The following RIMS1 variants were observed in gnomAD, a reference collection of about 807,000 sequenced individuals.
The protein encoded by RIMS1 is regulating synaptic membrane exocytosis protein 1.
In RIMS1, 83 loss-of-function variants were observed where a neutral mutation model predicts 214.1. The observed-to-expected ratio is 0.39, with a 90% CI of 0.32 to 0.47. The LOEUF (loss-of-function observed/expected upper bound fraction) is 0.47, where lower values mean the gene tolerates loss of function less well. Ranked by LOEUF, RIMS1 falls within the 20% of genes least tolerant of loss-of-function variation. RIMS1 has a pLI of 0.99. For synonymous variants in RIMS1, 793 were observed against 786.8 expected (o/e 1.01, Z -0.13); for missense variants, 2,050 against 2,161.8 (o/e 0.95, Z 1.03).
chr6:71,925,578 G>A (rs994261381), intron 1 of RIMS1, among the ~76,000 whole-genome samples: 9 of 152,132 alleles, frequency 5.9e-5, no homozygotes. Flanking sequence ...ATTTGATGTG[G>A]TATATAAAAT....
At chr6:72,389,609 A>G (rs759551951) in intron 29 of RIMS1, among the ~76,000 whole-genome samples, 6 of 152,192 alleles carry the variant, frequency 3.9e-5, no homozygotes, top group Non-Finnish European at 8.8e-5. Context: ...ATGTGTTTAT[A>G]TAGTAGTTAT....
intron 30 of RIMS1, among the ~76,000 whole-genome samples, chr6:72,391,348 TTTTC>T (rs1030065252): frequency 6.6e-5 from 10 of 150,486 alleles, no homozygotes; most frequent in Non-Finnish European, 1.3e-4. Flanking sequence ...TTTCGATTCT[TTTTC>T]TTTTTTTTTT....
chr6:72,084,644 C>T (rs987565175), intron 2 of RIMS1, among the ~76,000 whole-genome samples: 8 of 152,224 alleles, frequency 5.3e-5, no homozygotes, highest in African/African-American at 1.7e-4. Flanking sequence ...TGCTAGTGGG[C>T]CTCCATGTCC....
chr6:71,908,768 T>G (rs1776034903), intron 1 of RIMS1, among the ~76,000 whole-genome samples: 1 of 152,132 alleles, frequency 6.6e-6, no homozygotes, highest in Non-Finnish European at 1.5e-5. Flanking sequence ...TAAATGAACC[T>G]TTTCATCTTG....
At chr6:72,252,453 T>C (rs2154138866) in intron 15 of RIMS1, among the ~76,000 whole-genome samples, 1 of 152,290 alleles carries the variant, frequency 6.6e-6, no homozygotes, top group East Asian at 1.9e-4. Flanking sequence ...TAGAAAACAA[T>C]GTACTGTATA....
chr6:71,984,686 T>C (rs980687419), intron 2 of RIMS1, among the ~76,000 whole-genome samples: 1 of 152,150 alleles, frequency 6.6e-6, no homozygotes, highest in Non-Finnish European at 1.5e-5. Flanking sequence ...AAGCAGAACA[T>C]TGTAAGTTGA....
chr6:72,321,725 C>T (rs2096177136), intron 28 of RIMS1, among the ~76,000 whole-genome samples: 1 of 152,014 alleles, frequency 6.6e-6, no homozygotes, highest in African/African-American at 2.4e-5. Flanking sequence ...TAGAGACATA[C>T]TATTTATATA....
intron 19 of RIMS1, chr6:72,262,839 A>G (rs2078658151): frequency 2.8e-6 from 2 of 707,928 alleles, no homozygotes; most frequent in South Asian, 6.6e-5. Flanking sequence ...ACTTATAAAA[A>G]TAAAATCTGA....
intron 26 of RIMS1, chr6:72,295,953 C>A: frequency 3.7e-6 from 2 of 537,192 alleles, no homozygotes; most frequent in Non-Finnish European, 4.9e-6. Context: ...AAAAATATAA[C>A]TCTTCCACAA....
chr6:72,300,285 C>T (rs2094487257), intron 26 of RIMS1, among the ~76,000 whole-genome samples: 1 of 151,734 alleles, frequency 6.6e-6, no homozygotes, highest in Non-Finnish European at 1.5e-5. Context: ...TTAACCAAGA[C>T]ACAACTTGCA....
At chr6:71,951,492 T>TTTTTG (rs1162341760) in intron 1 of RIMS1, among the ~76,000 whole-genome samples, 18,946 of 117,630 alleles carry the variant, frequency 0.16, 1,172 homozygotes, top group East Asian at 0.22. Flanking sequence ...TTTTTTTTTT[T>TTTTTG]TGTGTGTGTG....
intron 2 of RIMS1, among the ~76,000 whole-genome samples, chr6:72,004,812 C>T (rs1156979863): frequency 1.5e-4 from 23 of 151,124 alleles, no homozygotes; most frequent in South Asian, 1.0e-3. Context: ...TTCTCCCATT[C>T]TGTAGGTTGC....
chr6:72,313,408 C>T, intron 27 of RIMS1, 98 bp from the exon 28 acceptor site: 1 of 1,022,644 alleles, frequency 9.8e-7, no homozygotes, highest in Non-Finnish European at 1.5e-6. Context: ...GAAGGTACAC[C>T]TTTATTTGGT....
chr6:72,010,061 C>T (rs1027133443), intron 2 of RIMS1, among the ~76,000 whole-genome samples: 4 of 152,182 alleles, frequency 2.6e-5, no homozygotes, highest in South Asian at 2.1e-4. Flanking sequence ...CCCTGATGAA[C>T]ATCGATGCAA....
chr6:72,336,988 A>G (rs541852890), intron 29 of RIMS1, among the ~76,000 whole-genome samples: 61 of 151,904 alleles, frequency 4.0e-4, no homozygotes, highest in African/African-American at 1.5e-3. Flanking sequence ...CCTATGAAAT[A>G]TTACTTAATT....
chr6:71,971,950 T>C (rs1355952433), intron 2 of RIMS1, among the ~76,000 whole-genome samples: 2 of 152,144 alleles, frequency 1.3e-5, no homozygotes, highest in African/African-American at 4.8e-5. Context: ...TTGTAATACC[T>C]GTAAGTTATC....
At chr6:72,264,057 C>A in intron 19 of RIMS1, 1 of 832,538 alleles carries the variant, frequency 1.2e-6, no homozygotes, top group Non-Finnish European at 1.4e-6. Flanking sequence ...TAAGGGATTT[C>A]CTTTGATTTG....
At chr6:71,998,630 G>A (rs1011445726) in intron 2 of RIMS1, among the ~76,000 whole-genome samples, 5 of 152,120 alleles carry the variant, frequency 3.3e-5, no homozygotes, top group Non-Finnish European at 5.9e-5. Flanking sequence ...TCATCGATTT[G>A]AAATTGCACA....
intron 6 of RIMS1, among the ~76,000 whole-genome samples, chr6:72,199,217 G>A (rs1469405260): frequency 6.6e-6 from 1 of 151,876 alleles, no homozygotes; most frequent in East Asian, 1.9e-4. Flanking sequence ...ACAATAAAAA[G>A]GGGCAATTAA....
Sources: gnomAD v4.1 joint callset for allele counts (sites outside exome capture counted in the v4.1 genomes callset) on GRCh38, gnomAD v4.1.1 for gene constraint, MANE v1.5 for transcripts, NCBI Gene and HGNC (gene_info 2026-07-23, HGNC 2026-07-21) for gene names.